ETFA: variants seen among roughly 807,000 people sequenced by gnomAD.
The protein encoded by ETFA is electron transfer flavoprotein subunit alpha, mitochondrial.
In ETFA, 22 loss-of-function variants were observed where a neutral mutation model predicts 46.2. The ratio of observed to expected loss-of-function variants is 0.48; its 90% CI spans 0.34 to 0.68. The LOEUF (loss-of-function observed/expected upper bound fraction) is 0.68. Ranked by LOEUF, ETFA falls within the 30% of genes least tolerant of loss-of-function variation. ETFA has a pLI of 0.01. For missense variants in ETFA, 345 were observed against 401.1 expected (o/e 0.86, Z 1.19); for synonymous variants, 131 against 139.9 (o/e 0.94, Z 0.45).
At chr15:76,310,922 A>C (rs2039991312) in intron 1 of ETFA, among the ~76,000 whole-genome samples, 1 of 150,560 alleles carries the variant, frequency 6.6e-6, no homozygotes, top group Non-Finnish European at 1.5e-5. Flanking sequence ...ATTCTTCCAG[A>C]AATGCCGGCC....
intron 1 of ETFA, among the ~76,000 whole-genome samples, chr15:76,308,274 CTGA>C (rs1473043371): frequency 6.6e-6 from 1 of 152,136 alleles, no homozygotes; most frequent in Non-Finnish European, 1.5e-5. Flanking sequence ...GGGTAAAAGT[CTGA>C]TGAGAAATAG....
chr15:76,241,292 G>A (rs1207084737), intron 9 of ETFA, among the ~76,000 whole-genome samples: 1 of 151,766 alleles, frequency 6.6e-6, no homozygotes, highest in Non-Finnish European at 1.5e-5. Flanking sequence ...CTTGAGGCCA[G>A]GAGTTTGAGA....
intron 5 of ETFA, among the ~76,000 whole-genome samples, chr15:76,287,313 CCA>C (rs1156475200): frequency 2.0e-5 from 3 of 152,098 alleles, no homozygotes; most frequent in Non-Finnish European, 4.4e-5. Flanking sequence ...CAGGCATATG[CCA>C]ACATGCCTAG....
At chr15:76,311,193 G>A (rs935445420) in intron 1 of ETFA, among the ~76,000 whole-genome samples, 157 bp downstream of exon 1, 2 of 152,236 alleles carry the variant, frequency 1.3e-5, no homozygotes, top group African/African-American at 4.8e-5. Context: ...GTCCAGGGTA[G>A]GCCCCAGAAC....
intron 9 of ETFA, among the ~76,000 whole-genome samples, chr15:76,253,294 C>T (rs1013402924): frequency 6.6e-6 from 1 of 151,732 alleles, no homozygotes; most frequent in Non-Finnish European, 1.5e-5. Flanking sequence ...GTGAATGACC[C>T]AAAAAAGCAT....
intron 9 of ETFA, among the ~76,000 whole-genome samples, chr15:76,243,087 A>G (rs1170829249): frequency 6.6e-6 from 1 of 152,176 alleles, no homozygotes; most frequent in Non-Finnish European, 1.5e-5. Context: ...ACTTCAGGCC[A>G]GGAGTTCAAG....
At chr15:76,278,286 C>G (rs1226419518) in intron 8 of ETFA, among the ~76,000 whole-genome samples, 1 of 152,192 alleles carries the variant, frequency 6.6e-6, no homozygotes, top group Non-Finnish European at 1.5e-5. Flanking sequence ...CTCTTTCCAG[C>G]AGACATTCAC....
At chr15:76,268,745 C>T (rs1351716915) in intron 9 of ETFA, among the ~76,000 whole-genome samples, 1 of 152,204 alleles carries the variant, frequency 6.6e-6, no homozygotes, top group Non-Finnish European at 1.5e-5. Context: ...AAGAGGCATT[C>T]AAACCAGAGT....
intron 9 of ETFA, among the ~76,000 whole-genome samples, chr15:76,242,245 T>C (rs2039199800): frequency 1.3e-5 from 2 of 152,230 alleles, no homozygotes; most frequent in African/African-American, 4.8e-5. Context: ...TTTGAAATTA[T>C]CTATGCGATC....
chr15:76,278,853 T>C (rs1014816536), intron 8 of ETFA, among the ~76,000 whole-genome samples: 4 of 152,196 alleles, frequency 2.6e-5, no homozygotes, highest in African/African-American at 7.2e-5. Flanking sequence ...AAGGACATCA[T>C]TCCAGTAATT....
chr15:76,215,723 C>G lies in ETFA; in HGVS notation c.*836G>C, dbSNP rs1364385173. ...AATGAGAGTGCCAGAGGTGACTACA[C>G]AGGCCTGGGTGCTTCCTAAGAGAGC... On this transcript the variant is annotated 3_prime_UTR_variant, in exon 12 of 12. Coordinates refer to ENST00000557943, the MANE Select transcript of ETFA (RefSeq NM_000126.4). 6.6e-6 allele frequency: 1 copy of G among 152,192 alleles called. No homozygotes were observed. The highest frequency in any genetic ancestry group is 1.5e-5 in the Non-Finnish European group (1 of 68,092). 9.4% of individuals were successfully genotyped at this position (152,192 alleles called of 1,614,324 possible).
chr15:76,304,470 C>A (rs1055374749), intron 1 of ETFA, among the ~76,000 whole-genome samples: 11 of 151,960 alleles, frequency 7.2e-5, no homozygotes, highest in Admixed American at 3.9e-4. Context: ...CCAGCCTGGA[C>A]AATACAGTAA....
chr15:76,259,217 A>G, intron 9 of ETFA: 3 of 1,545,790 alleles, frequency 1.9e-6, no homozygotes, highest in Non-Finnish European at 2.7e-6. Context: ...TGCCTCCCAC[A>G]GTGGGCTCCT....
chr15:76,236,999 C>G (rs1424025367), intron 9 of ETFA, among the ~76,000 whole-genome samples: 9 of 151,926 alleles, frequency 5.9e-5, no homozygotes. Flanking sequence ...GAACAAAACA[C>G]CAAAAAAGGA....
chr15:76,288,920 C>CTTCT (rs1225461781), intron 4 of ETFA, among the ~76,000 whole-genome samples: 4 of 110,122 alleles, frequency 3.6e-5, no homozygotes, highest in African/African-American at 1.0e-4. Flanking sequence ...TCTTCTTCTT[C>CTTCT]TTTTTTTTTT....
intron 9 of ETFA, among the ~76,000 whole-genome samples, chr15:76,250,042 C>A (rs1263106735): frequency 6.6e-6 from 1 of 152,030 alleles, no homozygotes; most frequent in Non-Finnish European, 1.5e-5. Flanking sequence ...TATTAATAAT[C>A]TTCATGGTAA....
Position 76,292,690 on chromosome 15 carries a change from T to C in ETFA, c.197A>G (p.Asp66Gly), listed in dbSNP as rs201888260. 120 of 1,610,876 alleles carry C rather than the reference T, an allele frequency of 7.4e-5. No homozygotes were observed. Among genetic ancestry groups the C allele is most frequent in the Non-Finnish European group, 9.6e-5 (113 of 1,177,116 alleles). Residue 66 changes from aspartate (D) to glycine (G), a missense_variant, in exon 3 of 12, where the codon GAT becomes GGT. Asp to Gly is a moderately conservative substitution (Grantham distance 94). Transcript: ENST00000557943. ...AGTKCDKVAQDLCKVAGIAKV... is the reference protein window; with the variant it reads ...AGTKCDKVAQGLCKVAGIAKV... ...TGCTATGCCTGCTACTTTACAGAGA[T>C]CTTGTGCCACCTATGATTAAAAGAT...
chr15:76,300,596 C>T (rs1249450013), intron 1 of ETFA, among the ~76,000 whole-genome samples: 1 of 152,190 alleles, frequency 6.6e-6, no homozygotes, highest in Non-Finnish European at 1.5e-5. Flanking sequence ...ATTCTGCTTC[C>T]TACCAATCTA....
Position 76,307,464 on chromosome 15 carries a change from A to C in ETFA, c.39+3886T>G, listed in dbSNP as rs146480873. 5.3e-5 allele frequency among the ~76,000 whole-genome samples: 8 copies of C among 152,162 alleles called. No individual in the cohort carries two copies. In the East Asian group the frequency reaches 1.3e-3, roughly 26 times the overall value. On this transcript the variant is annotated intron_variant, in intron 1 of 11. Transcript: ENST00000557943. ...ATAGTTTAACAAAGTGGTTTAAAAGAATACATAAAATTTACCATCTTAACC... is the reference window on the plus strand; with the variant it reads ...ATAGTTTAACAAAGTGGTTTAAAAGCATACATAAAATTTACCATCTTAACC...
Sources: allele counts gnomAD v4.1 joint callset (sites outside exome capture counted in the v4.1 genomes callset), GRCh38; gene constraint gnomAD v4.1.1; transcripts MANE v1.5; gene names NCBI Gene and HGNC (gene_info 2026-07-23, HGNC 2026-07-21).